The following IFT56 variants were observed in gnomAD, a reference collection of about 807,000 sequenced individuals.
IFT56 encodes the protein intraflagellar transport protein 56.
At chr7:139,187,681 A>G in the IFT56 span, 2 of 1,092,232 alleles carry the variant, frequency 1.8e-6, no homozygotes, top group Non-Finnish European at 2.6e-6. Flanking sequence ...GATATTAAAT[A>G]TTTCTGTCTG....
At chr7:139,136,765 G>A in the IFT56 span, among the ~76,000 whole-genome samples, 5 of 152,142 alleles carry the variant, frequency 3.3e-5, no homozygotes, top group Non-Finnish European at 5.9e-5. Context: ...CTGCCTTTAA[G>A]TTGGCAGGGA....
the IFT56 span, among the ~76,000 whole-genome samples, chr7:139,135,265 G>A: frequency 1.8e-4 from 22 of 123,156 alleles, no homozygotes; most frequent in Admixed American, 2.1e-3. Flanking sequence ...GCTACAAGGC[G>A]AGACTCCGTC....
the IFT56 span, chr7:139,161,210 G>A: frequency 2.0e-6 from 1 of 502,038 alleles, no homozygotes; most frequent in Non-Finnish European, 3.5e-6. Flanking sequence ...TCCTTGTTGG[G>A]AGAACAGGAA....
At chr7:139,150,490 G>C in the IFT56 span, among the ~76,000 whole-genome samples, 2 of 152,136 alleles carry the variant, frequency 1.3e-5, no homozygotes, top group African/African-American at 4.8e-5. Context: ...GGACATCAGA[G>C]TGTACTTCTA....
the IFT56 span, among the ~76,000 whole-genome samples, chr7:139,153,279 T>C: frequency 1.3e-5 from 2 of 151,950 alleles, no homozygotes; most frequent in East Asian, 1.9e-4. Context: ...GGTGAAACCC[T>C]GTCTCTACTA....
chr7:139,179,465 G>A, the IFT56 span: 447 of 781,840 alleles, frequency 5.7e-4, 7 homozygotes, highest in South Asian at 6.9e-3. Flanking sequence ...GTATAGAATT[G>A]GGCTGTCTAT....
chr7:139,137,765 A>C, the IFT56 span: 1 of 1,082,096 alleles, frequency 9.2e-7, no homozygotes. Flanking sequence ...TGTTGTCAGT[A>C]ACCCAACGTA....
the IFT56 span, chr7:139,147,161 A>G: frequency 6.2e-7 from 1 of 1,612,942 alleles, no homozygotes; most frequent in African/African-American, 1.3e-5. Flanking sequence ...GATGAGAAAA[A>G]ATTGATGAGC....
the IFT56 span, among the ~76,000 whole-genome samples, chr7:139,154,562 A>G: frequency 6.6e-6 from 1 of 152,158 alleles, no homozygotes. Context: ...GTAAATATCC[A>G]GTTATTCCAG....
At chr7:139,135,287 AAAAAAAAAAAAC>A in the IFT56 span, among the ~76,000 whole-genome samples, 3 of 148,306 alleles carry the variant, frequency 2.0e-5, no homozygotes, top group African/African-American at 7.8e-5. Context: ...CAAAAAAAAA[AAAAAAAAAAAAC>A]AAAACAAAAC....
chr7:139,169,306 T>G, the IFT56 span: 1 of 1,614,092 alleles, frequency 6.2e-7, no homozygotes, highest in Non-Finnish European at 8.5e-7. Context: ...ATATGAAAAT[T>G]GCCCAGCAGT....
At chr7:139,142,692 C>G in the IFT56 span, among the ~76,000 whole-genome samples, 1 of 152,116 alleles carries the variant, frequency 6.6e-6, no homozygotes, top group South Asian at 2.1e-4. Context: ...ATTAGCTGGG[C>G]TTGGTGGCAC....
At chr7:139,177,295 C>T in the IFT56 span, among the ~76,000 whole-genome samples, 1 of 150,488 alleles carries the variant, frequency 6.6e-6, no homozygotes, top group Admixed American at 6.6e-5. Context: ...CTGATCCTTA[C>T]CCAACTTTTT....
At chr7:139,184,941 C>G in the IFT56 span, among the ~76,000 whole-genome samples, 3 of 151,568 alleles carry the variant, frequency 2.0e-5, no homozygotes, top group African/African-American at 7.3e-5. Context: ...GTAGTCCCAG[C>G]TACTCAGGAG....
chr7:139,189,608 G>GCACTCT, the IFT56 span: 1 of 545,576 alleles, frequency 1.8e-6, no homozygotes, highest in South Asian at 2.5e-5. Context: ...GCTGAACAGA[G>GCACTCT]TGCCATAGTC....
chr7:139,147,214 T>C, the IFT56 span: 2 of 1,613,608 alleles, frequency 1.2e-6, no homozygotes, highest in East Asian at 4.5e-5. Flanking sequence ...TCAACTCAGT[T>C]TGGCCTCAAT....
the IFT56 span, chr7:139,133,878 G>C: frequency 1.9e-6 from 3 of 1,614,234 alleles, no homozygotes; most frequent in Non-Finnish European, 1.7e-6. Flanking sequence ...GCTCTGAATA[G>C]TAAGGGAGTA....
the IFT56 span, among the ~76,000 whole-genome samples, chr7:139,182,714 G>A: frequency 6.6e-6 from 1 of 152,084 alleles, no homozygotes; most frequent in Admixed American, 6.6e-5. Flanking sequence ...GGAACCTTGT[G>A]GAAACCAGTG....
At chr7:139,134,812 G>A in the IFT56 span, 1 of 1,609,098 alleles carries the variant, frequency 6.2e-7, no homozygotes. Context: ...AAAGAACGTT[G>A]CTTCTTAGTG....
Sources: allele counts gnomAD v4.1 joint callset (sites outside exome capture counted in the v4.1 genomes callset), GRCh38; gene constraint gnomAD v4.1.1; transcripts MANE v1.5; gene names NCBI Gene and HGNC (gene_info 2026-07-23, HGNC 2026-07-21).